The following ATXN1 variants were observed in gnomAD, a reference collection of about 807,000 sequenced individuals.
ATXN1 encodes the protein ataxin-1.
In ATXN1, 8 loss-of-function variants were observed where a neutral mutation model predicts 56.4. The ratio of observed to expected loss-of-function variants is 0.14; its 90% CI spans 0.08 to 0.26. The LOEUF is 0.26. Ranked by LOEUF, ATXN1 falls within the 10% of genes least tolerant of loss-of-function variation. The pLI is 1.00. For missense variants in ATXN1, 987 were observed against 1,106.5 expected (o/e 0.89, Z 1.53); for synonymous variants, 514 against 494.6 (o/e 1.04, Z -0.52).
At chr6:16,573,820 C>T (rs1005343767) in intron 4 of ATXN1, among the ~76,000 whole-genome samples, 1 of 152,142 alleles carries the variant, frequency 6.6e-6, no homozygotes, top group Non-Finnish European at 1.5e-5. Context: ...GTTTCCTCCA[C>T]CCATCATCAC....
In ATXN1 at chr6:16,760,856, A is replaced by T. The variant is rs1378888165; in HGVS notation, c.-730+442T>A. Among the ~76,000 whole-genome samples the T allele has an allele frequency of 1.4e-5, 2 of 147,360 alleles. No homozygotes were observed. Among genetic ancestry groups the T allele is most frequent in the South Asian group, 2.1e-4 (1 of 4,672 alleles). On this transcript the variant is annotated intron_variant, in intron 1 of 7. Transcript: ENST00000436367. The surrounding 1 kb of genome is among the most constrained non-coding windows in gnomAD (Gnocchi z 5.3). ...CTGCGCCACCCGGAGGGAGGAGGAC[A>T]TGGCTCTCCGCACTTGCGACCGGAC...
chr6:16,723,484 C>A (rs1222607239), intron 2 of ATXN1, among the ~76,000 whole-genome samples: 3 of 152,120 alleles, frequency 2.0e-5, no homozygotes, highest in Admixed American at 6.5e-5. Flanking sequence ...AACTCAAGTA[C>A]AATCTTTTAT....
chr6:16,675,489 T>C (rs943644137), intron 2 of ATXN1, among the ~76,000 whole-genome samples: 2 of 152,150 alleles, frequency 1.3e-5, no homozygotes, highest in African/African-American at 4.8e-5. Flanking sequence ...TTATATGTAA[T>C]GATATTGGCC....
chr6:16,739,044 G>A (rs1760237150), intron 2 of ATXN1: 1 of 151,762 alleles, frequency 6.6e-6, no homozygotes, highest in African/African-American at 2.4e-5. Flanking sequence ...CCCAACGAGG[G>A]GCATATATTT....
intron 2 of ATXN1, among the ~76,000 whole-genome samples, chr6:16,735,951 T>C (rs974655394): frequency 3.3e-5 from 5 of 152,342 alleles, no homozygotes; most frequent in African/African-American, 1.2e-4. Flanking sequence ...CATAGTACTC[T>C]GCATATAGTA....
chr6:16,610,802 T>C (rs1044599723), intron 3 of ATXN1, among the ~76,000 whole-genome samples: 2 of 151,396 alleles, frequency 1.3e-5, no homozygotes, highest in South Asian at 2.1e-4. Context: ...GGTGGGAGGA[T>C]TGCTTGAGGC....
In ATXN1 at chr6:16,567,151, T is replaced by C. The variant is rs189090900; in HGVS notation, c.-361+18629A>G. ...AAAGGTACTTGTCAATTAATGAAGA[T>C]TAAACATAAAGGTGATCTGGAATCT... On this transcript the variant is annotated intron_variant, in intron 4 of 7. Transcript: ENST00000436367. Among the ~76,000 whole-genome samples the C allele has an allele frequency of 2.1e-3, 322 of 152,326 alleles. 1 individual carries two copies. Among genetic ancestry groups the C allele is most frequent in the African/African-American group, 7.0e-3 (293 of 41,570 alleles).
At chr6:16,462,265 A>C (rs1327825310) in intron 6 of ATXN1, among the ~76,000 whole-genome samples, 2 of 152,192 alleles carry the variant, frequency 1.3e-5, no homozygotes, top group African/African-American at 4.8e-5. Context: ...TGCGAGTTAA[A>C]CTTTGGACAC....
At chr6:16,571,879 T>A (rs1356435889) in intron 4 of ATXN1, among the ~76,000 whole-genome samples, 1 of 152,116 alleles carries the variant, frequency 6.6e-6, no homozygotes, top group East Asian at 1.9e-4. Flanking sequence ...TCCAGGCTGG[T>A]CTCAAACTCG....
At chr6:16,631,641 C>A (rs1041815459) in intron 3 of ATXN1, among the ~76,000 whole-genome samples, 1 of 152,138 alleles carries the variant, frequency 6.6e-6, no homozygotes, top group African/African-American at 2.4e-5. Flanking sequence ...TTTTATGACC[C>A]ACACTTCTAT....
chr6:16,381,239 T>A (rs540419764), intron 6 of ATXN1, among the ~76,000 whole-genome samples: 3 of 151,560 alleles, frequency 2.0e-5, no homozygotes, highest in East Asian at 3.9e-4. Context: ...GTAAGTGAGA[T>A]CGCACCACTG....
intron 5 of ATXN1, among the ~76,000 whole-genome samples, chr6:16,490,324 T>G (rs1381750452): frequency 6.6e-6 from 1 of 152,164 alleles, no homozygotes; most frequent in African/African-American, 2.4e-5. Context: ...ACTGGAAATT[T>G]CTCACACTCC....
intron 4 of ATXN1, among the ~76,000 whole-genome samples, chr6:16,566,141 C>A (rs1290067280): frequency 6.6e-6 from 1 of 151,986 alleles, no homozygotes; most frequent in Non-Finnish European, 1.5e-5. Context: ...TCATGTATCT[C>A]TATGTGAAAA....
chr6:16,723,649 C>T (rs1759790284), intron 2 of ATXN1, among the ~76,000 whole-genome samples: 1 of 152,064 alleles, frequency 6.6e-6, no homozygotes, highest in Non-Finnish European at 1.5e-5. Flanking sequence ...AAAAGAGACT[C>T]TGGAGCATTA....
intron 4 of ATXN1, among the ~76,000 whole-genome samples, chr6:16,527,258 G>A (rs1689601263): frequency 6.6e-6 from 1 of 152,058 alleles, no homozygotes; most frequent in South Asian, 2.1e-4. Flanking sequence ...CACTTTTGAG[G>A]GGAGGCTGGG....
At chr6:16,577,013 CCA>C (rs1363902039) in intron 4 of ATXN1, among the ~76,000 whole-genome samples, 13 of 152,124 alleles carry the variant, frequency 8.5e-5, no homozygotes, top group Non-Finnish European at 2.9e-5. Flanking sequence ...GCACACCAGC[CCA>C]CACTCAGTAA....
chr6:16,529,285 G>T lies in ATXN1; in HGVS notation c.-360-6597C>A, dbSNP rs112068062. Reference sequence around the variant, plus strand: ...TACCCATGACATTCAGTGGAAAGTTGTGTATTAGTGCCCAACAGGTGCCAG... The same window carrying T: ...TACCCATGACATTCAGTGGAAAGTTTTGTATTAGTGCCCAACAGGTGCCAG... On this transcript the variant is annotated intron_variant, in intron 4 of 7. Transcript: ENST00000436367. Among the ~76,000 whole-genome samples, 298 of 146,394 alleles carry T rather than the reference G, an allele frequency of 2.0e-3. 1 individual carries two copies. The highest frequency in any genetic ancestry group is 7.0e-3 in the African/African-American group (274 of 39,130).
intron 6 of ATXN1, among the ~76,000 whole-genome samples, chr6:16,399,740 G>A (rs779819041): frequency 6.6e-6 from 1 of 152,154 alleles, no homozygotes; most frequent in Non-Finnish European, 1.5e-5. Context: ...GGCCAGGAAT[G>A]CTGCTAAATT....
intron 6 of ATXN1, among the ~76,000 whole-genome samples, chr6:16,442,782 C>A (rs982471746): frequency 6.6e-6 from 1 of 152,070 alleles, no homozygotes; most frequent in African/African-American, 2.4e-5. Flanking sequence ...GAGGCCAAGG[C>A]GGGTGGATCA....
Sources: gnomAD v4.1 joint callset for allele counts (sites outside exome capture counted in the v4.1 genomes callset) on GRCh38, gnomAD v4.1.1 for gene constraint, Gnocchi (gnomAD v3.1) non-coding constraint, MANE v1.5 for transcripts, NCBI Gene and HGNC (gene_info 2026-07-23, HGNC 2026-07-21) for gene names.